HYCC2: variants seen among roughly 807,000 people sequenced by gnomAD.
HYCC2 encodes hyccin 2.
the HYCC2 span, among the ~76,000 whole-genome samples, chr2:200,993,621 AT>A: frequency 1.6e-4 from 24 of 151,742 alleles, no homozygotes; most frequent in East Asian, 7.7e-4. Context: ...GTCTTGGGAA[AT>A]TTTTTTTTAA....
At chr2:201,024,962 A>T in the HYCC2 span, among the ~76,000 whole-genome samples, 1 of 151,760 alleles carries the variant, frequency 6.6e-6, no homozygotes, top group African/African-American at 2.4e-5. Flanking sequence ...TAAAAAAAAA[A>T]CTTAGCCAGG....
At chr2:200,981,369 A>G in the HYCC2 span, 26 of 1,613,984 alleles carry the variant, frequency 1.6e-5, no homozygotes, top group Non-Finnish European at 2.0e-5. This position sits in a 1 kb window ranked among gnomAD's most constrained non-coding sequence, Gnocchi z 4.5. Context: ...CGCCAGCTTG[A>G]CCTAGCCGGT....
the HYCC2 span, among the ~76,000 whole-genome samples, chr2:201,026,533 A>G: frequency 8.5e-4 from 129 of 152,306 alleles, no homozygotes; most frequent in Non-Finnish European, 8.8e-5. Flanking sequence ...ACTACATCAC[A>G]CTTATTCCAA....
At chr2:201,012,306 C>T in the HYCC2 span, among the ~76,000 whole-genome samples, 1 of 151,924 alleles carries the variant, frequency 6.6e-6, no homozygotes, top group African/African-American at 2.4e-5. Flanking sequence ...CAAAAAAATA[C>T]AAAAATTAGC....
At chr2:201,002,281 CAAA>C in the HYCC2 span, among the ~76,000 whole-genome samples, 4 of 82,830 alleles carry the variant, frequency 4.8e-5, no homozygotes, top group Non-Finnish European at 2.4e-5. Flanking sequence ...ACCAATCAGC[CAAA>C]AAAAAAAAAA....
At chr2:201,067,383 C>A in the HYCC2 span, among the ~76,000 whole-genome samples, 1 of 152,192 alleles carries the variant, frequency 6.6e-6, no homozygotes, top group South Asian at 2.1e-4. Context: ...CATGCTTTGC[C>A]ATTCAATAAA....
chr2:201,024,834 A>C, the HYCC2 span, among the ~76,000 whole-genome samples: 1 of 152,170 alleles, frequency 6.6e-6, no homozygotes. Flanking sequence ...ATGGAAAAAC[A>C]GCTGGGCACA....
the HYCC2 span, among the ~76,000 whole-genome samples, chr2:201,029,197 C>T: frequency 6.6e-6 from 1 of 152,118 alleles, no homozygotes; most frequent in Non-Finnish European, 1.5e-5. Flanking sequence ...CCAACAGACA[C>T]ATGAAAAAAT....
chr2:201,028,908 G>C, the HYCC2 span, among the ~76,000 whole-genome samples: 1 of 152,148 alleles, frequency 6.6e-6, no homozygotes, highest in Non-Finnish European at 1.5e-5. Flanking sequence ...GCATGGGCAA[G>C]GACTTCATGA....
chr2:201,068,443 T>G, the HYCC2 span, among the ~76,000 whole-genome samples: 1 of 152,202 alleles, frequency 6.6e-6, no homozygotes, highest in Non-Finnish European at 1.5e-5. Context: ...GAGCCTTGAA[T>G]TAGACCAAGG....
At chr2:201,004,431 A>G in the HYCC2 span, among the ~76,000 whole-genome samples, 2 of 152,162 alleles carry the variant, frequency 1.3e-5, no homozygotes, top group East Asian at 1.9e-4. Context: ...GAATTTAGAC[A>G]TATTTTTTGT....
At chr2:201,003,135 T>C in the HYCC2 span, among the ~76,000 whole-genome samples, 2 of 152,014 alleles carry the variant, frequency 1.3e-5, no homozygotes, top group African/African-American at 2.4e-5. Flanking sequence ...GGTGCAATCA[T>C]AGCTTACTGC....
the HYCC2 span, among the ~76,000 whole-genome samples, chr2:200,986,680 T>C: frequency 6.6e-6 from 1 of 152,314 alleles, no homozygotes; most frequent in East Asian, 1.9e-4. Flanking sequence ...ACATTTTAAT[T>C]CCATTGAATT....
At chr2:201,039,886 G>A in the HYCC2 span, among the ~76,000 whole-genome samples, 4 of 152,104 alleles carry the variant, frequency 2.6e-5, no homozygotes, top group Admixed American at 2.0e-4. Flanking sequence ...TTAAAAGTGA[G>A]GAAATAGGCT....
chr2:201,041,842 C>A, the HYCC2 span, among the ~76,000 whole-genome samples: 1 of 152,060 alleles, frequency 6.6e-6, no homozygotes, highest in African/African-American at 2.4e-5. Flanking sequence ...TCATTTAAAC[C>A]CTTTGGGCTT....
the HYCC2 span, among the ~76,000 whole-genome samples, chr2:201,003,696 G>A: frequency 2.0e-5 from 3 of 148,274 alleles, no homozygotes; most frequent in Admixed American, 6.8e-5. Context: ...GCGACAGAGC[G>A]AGACTCCATC....
At chr2:201,057,466 C>T in the HYCC2 span, among the ~76,000 whole-genome samples, 3 of 152,176 alleles carry the variant, frequency 2.0e-5, no homozygotes, top group African/African-American at 7.2e-5. Flanking sequence ...CCTGGAATCA[C>T]CCAGCTTGCA....
the HYCC2 span, chr2:201,021,832 C>T: frequency 9.1e-5 from 32 of 350,670 alleles, 1 homozygote; most frequent in South Asian, 2.8e-4. Flanking sequence ...TATGCATATA[C>T]GTACATTATG....
the HYCC2 span, among the ~76,000 whole-genome samples, chr2:201,042,982 T>G: frequency 2.0e-5 from 3 of 152,034 alleles, no homozygotes; most frequent in Non-Finnish European, 1.5e-5. Flanking sequence ...GGCGGTTTTG[T>G]GGAATAGAAA....
Sources: gnomAD v4.1 joint callset for allele counts (sites outside exome capture counted in the v4.1 genomes callset) on GRCh38, gnomAD v4.1.1 for gene constraint, Gnocchi (gnomAD v3.1) non-coding constraint, MANE v1.5 for transcripts, NCBI Gene and HGNC (gene_info 2026-07-23, HGNC 2026-07-21) for gene names.